TP63: variants seen among roughly 807,000 people sequenced by gnomAD.
The protein encoded by TP63 is tumor protein p63, also known as tumor protein 63.
In TP63, 17 loss-of-function variants were observed where a neutral mutation model predicts 82.8. The ratio of observed to expected loss-of-function variants is 0.21; its 90% CI spans 0.14 to 0.31. TP63 has a LOEUF of 0.31. Among genes scored for constraint, TP63 ranks in the 10% least tolerant of loss-of-function variants. The pLI is 1.00. For synonymous variants in TP63, 330 were observed against 321.7 expected, an observed-to-expected ratio of 1.03 and a Z score of -0.28; for missense variants, 648 against 895.3, an observed-to-expected ratio of 0.72 and a Z score of 3.52.
intron 3 of TP63, among the ~76,000 whole-genome samples, chr3:189,739,593 CT>C (rs1459780955): frequency 6.6e-6 from 1 of 152,108 alleles, no homozygotes; most frequent in African/African-American, 2.4e-5. Flanking sequence ...ATGAAACAGG[CT>C]TTTCTTGGCT....
chr3:189,780,001 C>T (rs754784932), intron 3 of TP63, among the ~76,000 whole-genome samples: 1 of 152,068 alleles, frequency 6.6e-6, no homozygotes, highest in African/African-American at 2.4e-5. Context: ...ATATAGGTAT[C>T]CCAAGAATTG....
intron 1 of TP63, among the ~76,000 whole-genome samples, chr3:189,660,148 G>A (rs1038170553): frequency 2.6e-5 from 4 of 151,910 alleles, no homozygotes; most frequent in South Asian, 2.1e-4. Context: ...CCAGAAAGAT[G>A]TATCTAAGTT....
intron 3 of TP63, among the ~76,000 whole-genome samples, chr3:189,767,664 G>GA (rs1384271900): frequency 6.6e-6 from 1 of 152,158 alleles, no homozygotes; most frequent in Admixed American, 6.5e-5. Context: ...CTCATGGTTG[G>GA]AAAACCGTGA....
chr3:189,654,160 C>G (rs572866306), intron 1 of TP63, among the ~76,000 whole-genome samples: 2 of 151,852 alleles, frequency 1.3e-5, no homozygotes, highest in South Asian at 2.1e-4. Context: ...AGTAAAATGT[C>G]TTAAAGACAA....
chr3:189,880,315 G>A, intron 10 of TP63: 1 of 1,323,164 alleles, frequency 7.6e-7, no homozygotes, highest in East Asian at 2.7e-5. Context: ...AGACCCAACT[G>A]CTCAAAGGCA....
chr3:189,732,271 CCT>C (rs1720227069), intron 1 of TP63, among the ~76,000 whole-genome samples: 1 of 152,136 alleles, frequency 6.6e-6, no homozygotes, highest in Admixed American at 6.5e-5. Flanking sequence ...CTCCACCACC[CCT>C]GTCTTTTGTA....
intron 10 of TP63, among the ~76,000 whole-genome samples, chr3:189,874,981 CT>C (rs200117233): frequency 0.21 from 23,459 of 114,106 alleles, 1,810 homozygotes; most frequent in Middle Eastern, 0.33. Flanking sequence ...TCTTTCCTGT[CT>C]TTTTTTTTTT....
chr3:189,774,543 T>C (rs976356645), intron 3 of TP63, among the ~76,000 whole-genome samples: 11 of 152,176 alleles, frequency 7.2e-5, no homozygotes, highest in African/African-American at 2.7e-4. Flanking sequence ...CATAAAGATA[T>C]ATGCATCGCT....
Position 189,824,230 on chromosome 3 carries a change from T to A in TP63, c.579+15704T>A, listed in dbSNP as rs201437767. Among the ~76,000 whole-genome samples the A allele has an allele frequency of 5.2e-4, 79 of 152,068 alleles. No individual in the cohort carries two copies. The East Asian group carries it at 0.011, about 22-fold the overall frequency. ...TTATTTTATTATTATTATTATTTTT[T>A]TTTTGAGACAGAGTCTCGCTCCGTC... On this transcript the variant is annotated intron_variant, in intron 4 of 13. Coordinates refer to ENST00000264731, the MANE Select transcript of TP63 (RefSeq NM_003722.5).
At chr3:189,776,963 T>C (rs2108568819) in intron 3 of TP63, among the ~76,000 whole-genome samples, 1 of 152,324 alleles carries the variant, frequency 6.6e-6, no homozygotes, top group East Asian at 1.9e-4. Context: ...TCCAAGGAAT[T>C]GAAATATCAA....
At chr3:189,828,551 C>G (rs1577050747) in intron 4 of TP63, among the ~76,000 whole-genome samples, 1 of 152,266 alleles carries the variant, frequency 6.6e-6, no homozygotes, top group African/African-American at 2.4e-5. Context: ...TATCCTTCTG[C>G]TTTGACTATG....
chr3:189,683,930 A>G (rs997067402), intron 1 of TP63, among the ~76,000 whole-genome samples: 1 of 152,214 alleles, frequency 6.6e-6, no homozygotes, highest in Non-Finnish European at 1.5e-5. Flanking sequence ...GATGAAAAAT[A>G]GATTCAGTAA....
intron 1 of TP63, among the ~76,000 whole-genome samples, chr3:189,682,865 T>G (rs939823051): frequency 5.3e-5 from 8 of 151,718 alleles, no homozygotes; most frequent in African/African-American, 1.9e-4. Flanking sequence ...TTGGGGAGAG[T>G]GAATCATTGG....
intron 1 of TP63, among the ~76,000 whole-genome samples, chr3:189,731,901 A>G (rs1008767726): frequency 3.3e-5 from 5 of 152,208 alleles, no homozygotes; most frequent in South Asian, 2.1e-4. Context: ...TTCTTGCCCT[A>G]TGGCACCAGC....
chr3:189,735,996 A>C (rs1720563928), intron 1 of TP63, among the ~76,000 whole-genome samples: 1 of 151,908 alleles, frequency 6.6e-6, no homozygotes, highest in Non-Finnish European at 1.5e-5. Context: ...TAAAGGGTAC[A>C]TGGGATCTCT....
chr3:189,672,630 AAGG>A (rs1714994011), intron 1 of TP63, among the ~76,000 whole-genome samples: 1 of 127,510 alleles, frequency 7.8e-6, no homozygotes, highest in Non-Finnish European at 1.7e-5. Flanking sequence ...AAAAGGAAGG[AAGG>A]AAGGGAGGGA....
At chr3:189,801,685 C>T (rs996560747) in intron 3 of TP63, among the ~76,000 whole-genome samples, 3 of 152,126 alleles carry the variant, frequency 2.0e-5, no homozygotes, top group Non-Finnish European at 4.4e-5. Context: ...TTATTTCTCT[C>T]ACCTGCCGTT....
At chr3:189,753,941 G>C (rs1722000891) in intron 3 of TP63, among the ~76,000 whole-genome samples, 1 of 151,900 alleles carries the variant, frequency 6.6e-6, no homozygotes, top group South Asian at 2.1e-4. Flanking sequence ...CATAATATTG[G>C]CTTTATAACC....
chr3:189,785,518 G>A (rs1724534471), intron 3 of TP63, among the ~76,000 whole-genome samples: 1 of 151,982 alleles, frequency 6.6e-6, no homozygotes, highest in African/African-American at 2.4e-5. Context: ...TTCAACTAGG[G>A]TTTAGAGAAA....
Sources: gnomAD v4.1 joint callset for allele counts (sites outside exome capture counted in the v4.1 genomes callset) on GRCh38, gnomAD v4.1.1 for gene constraint, MANE v1.5 for transcripts, NCBI Gene and HGNC (gene_info 2026-07-23, HGNC 2026-07-21) for gene names.